Variants in ZFHX4 observed in about 807,000 individuals in gnomAD.
ZFHX4 encodes zinc finger homeobox 4.
Under a neutral mutation model 267.6 loss-of-function variants are expected in ZFHX4, and 56 were observed. The ratio of observed to expected loss-of-function variants is 0.21; its 90% CI spans 0.17 to 0.26. The LOEUF (loss-of-function observed/expected upper bound fraction) is 0.26. Among genes scored for constraint, ZFHX4 ranks in the 10% least tolerant of loss-of-function variants. The pLI, the probability that ZFHX4 is intolerant of heterozygous loss-of-function variation, is 1.00. For missense variants in ZFHX4, 4,332 were observed against 4,420.0 expected (o/e 0.98, Z 0.56); for synonymous variants, 1,778 against 1,665.6 (o/e 1.07, Z -1.64).
In ZFHX4 at chr8:76,866,817, A is replaced by AAG. The variant is rs397692769; in HGVS notation, c.*2252_*2253insAG. Reference sequence around the variant, plus strand: ...AAAAAAGAAAAAAAAAAGAAAAAAAACTTTAACTGGATGGACGTTGTTAGG... The same window carrying AAG: ...AAAAAAGAAAAAAAAAAGAAAAAAAAAGCTTTAACTGGATGGACGTTGTTAGG... On this transcript the variant is annotated 3_prime_UTR_variant, in exon 11 of 11. Coordinates refer to ENST00000651372, the MANE Select transcript of ZFHX4 (RefSeq NM_024721.5). The AAG allele has an allele frequency of 6.6e-6, 1 of 151,952 alleles. No individual in the cohort carries two copies. Among genetic ancestry groups the AAG allele is most frequent in the Non-Finnish European group, 1.5e-5 (1 of 67,878 alleles). 9.4% of individuals were successfully genotyped at this position (151,952 alleles called of 1,614,324 possible).
intron 3 of ZFHX4, among the ~76,000 whole-genome samples, chr8:76,736,334 A>T (rs1034377751): frequency 6.6e-6 from 1 of 152,044 alleles, no homozygotes; most frequent in Non-Finnish European, 1.5e-5. Context: ...CAGTAAATTG[A>T]ATTTTTATTA....
At chr8:76,841,207 CT>C (rs1012328664) in intron 5 of ZFHX4, among the ~76,000 whole-genome samples, 10 of 152,138 alleles carry the variant, frequency 6.6e-5, no homozygotes, top group Non-Finnish European at 1.5e-4. Context: ...TTCCCTTTAG[CT>C]TTTTAGAGTT....
At chr8:76,836,485 C>T (rs921272987) in intron 5 of ZFHX4, among the ~76,000 whole-genome samples, 9 of 151,942 alleles carry the variant, frequency 5.9e-5, no homozygotes, top group Non-Finnish European at 1.0e-4. Flanking sequence ...ACAAGTGAGC[C>T]GAGTCCTGGT....
At chr8:76,828,267 A>T (rs1486741692) in intron 4 of ZFHX4, among the ~76,000 whole-genome samples, 4 of 145,412 alleles carry the variant, frequency 2.8e-5, no homozygotes, top group Non-Finnish European at 6.1e-5. Context: ...GATGTGAGCT[A>T]TTTTTTTTTT....
At chr8:76,713,318 T>TAGATAGATA (rs75116374) in intron 3 of ZFHX4, among the ~76,000 whole-genome samples, 1 of 146,480 alleles carries the variant, frequency 6.8e-6, no homozygotes, top group African/African-American at 2.6e-5. Context: ...GATAGATAGA[T>TAGATAGATA]GATAGACAGA....
At chr8:76,859,006 A>G (rs1812802400) in intron 10 of ZFHX4, among the ~76,000 whole-genome samples, 1 of 152,228 alleles carries the variant, frequency 6.6e-6, no homozygotes, top group African/African-American at 2.4e-5. Flanking sequence ...ATGTAAGATG[A>G]ACATAAGAGT....
At chr8:76,730,204 C>A (rs1808966226) in intron 3 of ZFHX4, among the ~76,000 whole-genome samples, 1 of 152,090 alleles carries the variant, frequency 6.6e-6, no homozygotes, top group South Asian at 2.1e-4. Flanking sequence ...CCAAAGAGGT[C>A]CATCTGTATT....
Position 76,851,565 on chromosome 8 carries a change from G to T in ZFHX4, c.4644G>T (p.Glu1548Asp). 6.2e-7 allele frequency: 1 copy of T among 1,613,900 alleles called. No individual in the cohort carries two copies. Among genetic ancestry groups the T allele is most frequent in the Non-Finnish European group, 8.5e-7 (1 of 1,179,876 alleles). The change falls in exon 10 of 11, where the codon GAG becomes GAT. Residue 1548 changes from glutamate (E) to aspartate (D), a missense_variant. By Grantham distance (45) the Glu-to-Asp change is conservative. Around this residue, in one of 7 missense-constraint regions of ZFHX4, gnomAD observed 1,371 missense variants for 1,423.1 expected, o/e 0.96. Coordinates refer to ENST00000651372, the MANE Select transcript of ZFHX4 (RefSeq NM_024721.5). ...CATATAAATGTACAGTGTGTAAAGA[G>T]TCATTCACCCAAAAGAACATTCTCT... ...SRPYKCTVCKESFTQKNILLV... is the reference protein window; with the variant it reads ...SRPYKCTVCKDSFTQKNILLV...
intron 1 of ZFHX4, among the ~76,000 whole-genome samples, chr8:76,691,734 C>A (rs915412808): frequency 1.6e-4 from 24 of 152,148 alleles, no homozygotes; most frequent in Non-Finnish European, 4.4e-5. Context: ...ATCTGTATAT[C>A]AGGGTTGCTG....
intron 4 of ZFHX4, among the ~76,000 whole-genome samples, chr8:76,818,321 A>G (rs1283143566): frequency 2.0e-5 from 3 of 152,202 alleles, no homozygotes; most frequent in South Asian, 2.1e-4. Flanking sequence ...AAGACAATTG[A>G]TAAGACTGCG....
chr8:76,833,820 G>T (rs1001799911), intron 5 of ZFHX4, among the ~76,000 whole-genome samples: 2 of 152,078 alleles, frequency 1.3e-5, no homozygotes, highest in Non-Finnish European at 2.9e-5. Flanking sequence ...TAGTGACATG[G>T]ATCCATCGTT....
intron 3 of ZFHX4, among the ~76,000 whole-genome samples, chr8:76,763,482 G>A (rs553920119): frequency 1.3e-5 from 2 of 152,110 alleles, no homozygotes; most frequent in South Asian, 4.2e-4. Flanking sequence ...AATTAGCTGG[G>A]CATGATGGCA....
Position 76,707,588 on chromosome 8 carries a change from A to T in ZFHX4, c.2633A>T (p.Gln878Leu). 1.3e-6 allele frequency: 2 copies of T among 1,598,738 alleles called. No individual in the cohort carries two copies. Among genetic ancestry groups the T allele is most frequent in the Non-Finnish European group, 1.7e-6 (2 of 1,170,818 alleles). ...CCTGAAATCCGGCTTGCCAGTGGTC[A>T]GCTAATGGGTGATGACCTGTCCCTC... ...LPPEIRLASGQLMGDDLSLLT... is the reference protein window; with the variant it reads ...LPPEIRLASGLLMGDDLSLLT... Residue 878 changes from glutamine (Q) to leucine (L), a missense_variant, in exon 3 of 11, where the codon CAG becomes CTG. Coordinates refer to ENST00000651372, the MANE Select transcript of ZFHX4 (RefSeq NM_024721.5).
intron 3 of ZFHX4, among the ~76,000 whole-genome samples, chr8:76,711,907 A>G (rs2131621902): frequency 6.6e-6 from 1 of 152,348 alleles, no homozygotes; most frequent in East Asian, 1.9e-4. Context: ...ACCACCATTC[A>G]GTGCAGGACA....
Position 76,705,905 on chromosome 8 carries a change from A to G in ZFHX4, c.1817A>G (p.Asp606Gly). 1 of 1,613,182 alleles carries G rather than the reference A, an allele frequency of 6.2e-7. No homozygotes were observed. The highest frequency in any genetic ancestry group is 8.5e-7 in the Non-Finnish European group (1 of 1,179,756). Residue 606 changes from aspartate (D) to glycine (G), a missense_variant, in exon 2 of 11, where the codon GAC becomes GGC. Asp to Gly is a moderately conservative substitution (Grantham distance 94). Coordinates refer to ENST00000651372, the MANE Select transcript of ZFHX4 (RefSeq NM_024721.5). ...STPGTPGPGG[D>G]GSPGSGIECP... Reference sequence around the variant, plus strand: ...CCTGGCACACCAGGGCCTGGAGGAGACGGCTCACCGGGCAGTGGCATCGAG... The same window carrying G: ...CCTGGCACACCAGGGCCTGGAGGAGGCGGCTCACCGGGCAGTGGCATCGAG...
chr8:76,791,688 A>G (rs1037326621), intron 4 of ZFHX4, among the ~76,000 whole-genome samples: 4 of 152,146 alleles, frequency 2.6e-5, no homozygotes, highest in African/African-American at 9.7e-5. Flanking sequence ...CAGTCTTACT[A>G]TTAAGTGGGG....
chr8:76,849,400 C>T (rs1812449994), intron 7 of ZFHX4, 112 bp from the exon 8 acceptor site: 1 of 1,009,286 alleles, frequency 9.9e-7, no homozygotes, highest in Non-Finnish European at 1.5e-6. Flanking sequence ...TTGATTATTA[C>T]ACATTGTAAG....
Position 76,855,405 on chromosome 8 carries a change from A to G in ZFHX4, c.8484A>G (p.Gly2828=). 6.2e-7 allele frequency: 1 copy of G among 1,613,720 alleles called. No individual in the cohort carries two copies. The highest frequency in any genetic ancestry group is 8.5e-7 in the Non-Finnish European group (1 of 1,179,844). ...ACACTGAAATGGAAAGCACCACAGG[A>G]AGTTCCGGAGATGTGAAACCGGCTT... ...EGNTEMESTT[G]SSGDVKPALS... The change falls in exon 10 of 11, where the codon GGA becomes GGG. Residue 2828 remains glycine, a synonymous_variant. Coordinates refer to ENST00000651372, the MANE Select transcript of ZFHX4 (RefSeq NM_024721.5).
intron 4 of ZFHX4, among the ~76,000 whole-genome samples, chr8:76,806,174 C>A: frequency 6.6e-6 from 1 of 152,100 alleles, no homozygotes; most frequent in Non-Finnish European, 1.5e-5. Context: ...CCTTTTCTAT[C>A]ACTGTTAAAT....
Sources: gnomAD v4.1 joint callset for allele counts (sites outside exome capture counted in the v4.1 genomes callset) on GRCh38, gnomAD v4.1.1 for gene constraint, gnomAD v4.1.1 regional missense constraint, MANE v1.5 for transcripts, NCBI Gene and HGNC (gene_info 2026-07-23, HGNC 2026-07-21) for gene names.